IL1RAPL2: variants seen among roughly 807,000 people sequenced by gnomAD.
IL1RAPL2 encodes the protein interleukin 1 receptor accessory protein like 2.
In IL1RAPL2, 3 loss-of-function variants were observed where a neutral mutation model predicts 44.1. The ratio of observed to expected loss-of-function variants is 0.07; its 90% CI spans 0.03 to 0.18. The LOEUF is 0.18. Among genes scored for constraint, IL1RAPL2 ranks in the 10% least tolerant of loss-of-function variants. The pLI, the probability that IL1RAPL2 is intolerant of heterozygous loss-of-function variation, is 1.00. For missense variants in IL1RAPL2, 391 were observed against 496.4 expected (o/e 0.79, Z 2.02); for synonymous variants, 181 against 178.8 (o/e 1.01, Z -0.10).
intron 4 of IL1RAPL2, among the ~76,000 whole-genome samples, chrX:105,264,253 C>T (rs1255232329): frequency 9.0e-6 from 1 of 111,108 alleles, no homozygotes; most frequent in Non-Finnish European, 1.9e-5. Context: ...TCTCCTGCCA[C>T]CCTGTGAAGA....
At chrX:104,625,902 A>G (rs900944498) in intron 1 of IL1RAPL2, among the ~76,000 whole-genome samples, 3 of 111,184 alleles carry the variant, frequency 2.7e-5, no homozygotes, top group Non-Finnish European at 3.8e-5. Context: ...CCACTCTACC[A>G]CTTTCTAGCT....
chrX:104,690,536 T>C (rs943063112), intron 2 of IL1RAPL2, among the ~76,000 whole-genome samples: 1 of 112,523 alleles, frequency 8.9e-6, no homozygotes. Context: ...AGGTAATTTG[T>C]AAGTCTTGTA....
chrX:105,120,011 T>C (rs1420122012), intron 2 of IL1RAPL2, among the ~76,000 whole-genome samples: 1 of 109,647 alleles, frequency 9.1e-6, no homozygotes, highest in Non-Finnish European at 1.9e-5. Flanking sequence ...TGGGAAAATT[T>C]AGGCACAAAG....
intron 2 of IL1RAPL2, among the ~76,000 whole-genome samples, chrX:105,033,990 A>G (rs143755178): frequency 0.015 from 1,632 of 111,536 alleles, 33 homozygotes; most frequent in African/African-American, 0.049. Context: ...TCCATCACAG[A>G]TACCCTTTCT....
chrX:105,671,996 T>C (rs2037828601), intron 6 of IL1RAPL2, among the ~76,000 whole-genome samples: 1 of 111,884 alleles, frequency 8.9e-6, no homozygotes, highest in Non-Finnish European at 1.9e-5. Flanking sequence ...GGAATTTTCA[T>C]TTCGTTCTTT....
intron 6 of IL1RAPL2, among the ~76,000 whole-genome samples, chrX:105,708,933 C>T (rs2038186314): frequency 8.9e-6 from 1 of 112,038 alleles, no homozygotes; most frequent in African/African-American, 3.2e-5. Context: ...ACTATTAATT[C>T]AATCCAAATG....
chrX:104,795,419 CTT>C (rs35021834), intron 2 of IL1RAPL2, among the ~76,000 whole-genome samples: 2 of 101,997 alleles, frequency 2.0e-5, no homozygotes, highest in Non-Finnish European at 2.0e-5. Flanking sequence ...CTCTCCCTTC[CTT>C]TTTTTTTTTT....
At chrX:104,892,394 A>C (rs967290952) in intron 2 of IL1RAPL2, among the ~76,000 whole-genome samples, 4 of 111,680 alleles carry the variant, frequency 3.6e-5, no homozygotes, top group African/African-American at 9.8e-5. Context: ...TTGTACCTCT[A>C]GTAGAATTCG....
intron 2 of IL1RAPL2, among the ~76,000 whole-genome samples, chrX:104,872,089 C>A (rs1366559656): frequency 9.0e-6 from 1 of 111,585 alleles, no homozygotes; most frequent in Admixed American, 9.6e-5. Context: ...ACAACAGATG[C>A]ATAAAATGCT....
At chrX:104,729,751 A>G (rs1469719711) in intron 2 of IL1RAPL2, among the ~76,000 whole-genome samples, 2 of 110,406 alleles carry the variant, frequency 1.8e-5, no homozygotes, top group African/African-American at 3.3e-5. Context: ...AAGTGAGAAC[A>G]TGTGGTATTT....
intron 3 of IL1RAPL2, chrX:105,219,560 GAGCCATGGCCTCCACAGGGGC>G (rs1556175694): frequency 4.1e-6 from 5 of 1,206,798 alleles, no homozygotes; most frequent in Admixed American, 2.2e-5. Flanking sequence ...TCCACAGGGG[GAGCCATGGCCTCCACAGGGGC>G]AGCCACAACC....
intron 2 of IL1RAPL2, among the ~76,000 whole-genome samples, chrX:104,945,513 C>T (rs1051480121): frequency 2.7e-5 from 3 of 111,189 alleles, no homozygotes; most frequent in Admixed American, 9.6e-5. Flanking sequence ...TAGCAATCAC[C>T]GCATTATCTG....
intron 6 of IL1RAPL2, among the ~76,000 whole-genome samples, chrX:105,505,338 A>T (rs1292722883): frequency 9.0e-6 from 1 of 111,730 alleles, no homozygotes; most frequent in Non-Finnish European, 1.9e-5. Flanking sequence ...GGAGACAGAG[A>T]TTAAATAAAT....
chrX:105,585,348 GT>G (rs1602478061), intron 6 of IL1RAPL2, among the ~76,000 whole-genome samples: 1 of 109,360 alleles, frequency 9.1e-6, no homozygotes, highest in Non-Finnish European at 1.9e-5. Context: ...GAGGGATGCA[GT>G]TTTTTTATTA....
At chrX:105,461,858 G>A (rs1602423048) in intron 5 of IL1RAPL2, among the ~76,000 whole-genome samples, 1 of 111,581 alleles carries the variant, frequency 9.0e-6, no homozygotes, top group Non-Finnish European at 1.9e-5. Flanking sequence ...TGTTGTGTGT[G>A]TAGAGTAGTG....
intron 7 of IL1RAPL2, among the ~76,000 whole-genome samples, chrX:105,737,066 C>A (rs1343627859): frequency 1.8e-5 from 2 of 111,223 alleles, no homozygotes. Context: ...AGAATGAGAT[C>A]ATGTTCTTTG....
At chrX:104,728,223 A>C (rs1364721791) in intron 2 of IL1RAPL2, among the ~76,000 whole-genome samples, 2 of 111,716 alleles carry the variant, frequency 1.8e-5, no homozygotes, top group African/African-American at 6.5e-5. Flanking sequence ...AGCAAAATAA[A>C]TGTAAATGTC....
At chrX:105,208,357 C>G (rs1171995216) in intron 3 of IL1RAPL2, among the ~76,000 whole-genome samples, 1 of 111,193 alleles carries the variant, frequency 9.0e-6, no homozygotes, top group Non-Finnish European at 1.9e-5. Context: ...GGCAAATTCC[C>G]TTCTATGACC....
At chrX:105,416,038 C>T (rs1304240047) in intron 5 of IL1RAPL2, among the ~76,000 whole-genome samples, 2 of 111,536 alleles carry the variant, frequency 1.8e-5, no homozygotes, top group Non-Finnish European at 3.8e-5. Context: ...TAAGATTGAT[C>T]TACTCATTTC....
Sources: gnomAD v4.1 joint callset for allele counts (sites outside exome capture counted in the v4.1 genomes callset) on GRCh38, gnomAD v4.1.1 for gene constraint, MANE v1.5 for transcripts, NCBI Gene and HGNC (gene_info 2026-07-23, HGNC 2026-07-21) for gene names.